Variants in RARB observed in about 807,000 individuals in gnomAD.
RARB encodes retinoic acid receptor beta.
In RARB, 17 loss-of-function variants were observed where a neutral mutation model predicts 51.9. The observed-to-expected ratio is 0.33, with a 90% CI of 0.22 to 0.49. RARB has a LOEUF of 0.49. RARB is among the 20% of genes least tolerant of loss of function. RARB has a pLI of 0.99. For missense variants in RARB, 369 were observed against 550.8 expected (o/e 0.67, Z 3.30); for synonymous variants, 215 against 195.4 (o/e 1.10, Z -0.84).
chr3:25,365,333 A>G (rs893482975), intron 5 of RARB, among the ~76,000 whole-genome samples: 3 of 149,826 alleles, frequency 2.0e-5, no homozygotes, highest in African/African-American at 4.9e-5. Context: ...ATTGGACTCA[A>G]ATTCCTGGGC....
At chr3:25,531,906 AATAAT>A (rs1698942249) in intron 3 of RARB, among the ~76,000 whole-genome samples, 1 of 151,820 alleles carries the variant, frequency 6.6e-6, no homozygotes, top group Non-Finnish European at 1.5e-5. Context: ...TGTTAGTAAA[AATAAT>A]CTTTCCACCA....
chr3:25,388,228 T>G (rs115768802), intron 5 of RARB, among the ~76,000 whole-genome samples: 1 of 152,202 alleles, frequency 6.6e-6, no homozygotes, highest in Non-Finnish European at 1.5e-5. Flanking sequence ...AAATTTCTTC[T>G]TAATTAAAAA....
chr3:25,210,989 C>T (rs781758054), intron 5 of RARB, among the ~76,000 whole-genome samples: 1 of 152,088 alleles, frequency 6.6e-6, no homozygotes, highest in Non-Finnish European at 1.5e-5. Context: ...CCTTCTGTGC[C>T]TCAGTTTCCT....
At chr3:25,587,316 G>A (rs372493322) in intron 5 of RARB, among the ~76,000 whole-genome samples, 5 of 152,306 alleles carry the variant, frequency 3.3e-5, no homozygotes, top group East Asian at 1.9e-4. Context: ...CAGCAGCTGC[G>A]AGGCAGCTGT....
intron 5 of RARB, among the ~76,000 whole-genome samples, chr3:25,233,550 A>G (rs1575240644): frequency 6.6e-6 from 1 of 152,070 alleles, no homozygotes; most frequent in East Asian, 1.9e-4. Context: ...TAATTACTTT[A>G]TTGCATGGCT....
chr3:24,870,504 T>G lies in RARB; in HGVS notation c.-380+11752T>G, dbSNP rs561148688. Among the ~76,000 whole-genome samples, 8 of 152,266 alleles carry G rather than the reference T, an allele frequency of 5.3e-5. No individual in the cohort carries two copies. In the East Asian group the frequency reaches 1.5e-3, roughly 29 times the overall value. On this transcript the variant is annotated intron_variant, in intron 2 of 11. Transcript: ENST00000383772. ...TTATAAATTTATATCAACACTGCTT[T>G]GTTTAATATTTCTTTATACTAAGTC...
At chr3:25,334,637 C>T (rs778695404) in intron 5 of RARB, among the ~76,000 whole-genome samples, 8 of 151,932 alleles carry the variant, frequency 5.3e-5, no homozygotes, top group Non-Finnish European at 1.2e-4. Context: ...ATGTAACAAA[C>T]CTGCAGGTTG....
chr3:24,884,296 G>T (rs1703230245), intron 2 of RARB, among the ~76,000 whole-genome samples: 1 of 152,126 alleles, frequency 6.6e-6, no homozygotes, highest in Non-Finnish European at 1.5e-5. Context: ...GGTTGGAAGG[G>T]CAATGTCATA....
At chr3:25,246,892 A>G (rs1250579408) in intron 5 of RARB, among the ~76,000 whole-genome samples, 2 of 152,146 alleles carry the variant, frequency 1.3e-5, no homozygotes, top group East Asian at 3.9e-4. Context: ...GCAAGCAGAA[A>G]CGTTTAAGTC....
intron 2 of RARB, among the ~76,000 whole-genome samples, chr3:25,034,647 A>G (rs1697946205): frequency 1.3e-5 from 2 of 152,238 alleles, no homozygotes; most frequent in Admixed American, 6.5e-5. Context: ...TCTATGCCAG[A>G]TACAAAAAGC....
chr3:25,308,671 C>T (rs1704211354), intron 5 of RARB, among the ~76,000 whole-genome samples: 1 of 152,202 alleles, frequency 6.6e-6, no homozygotes, highest in South Asian at 2.1e-4. Context: ...TGGTCTCAAA[C>T]TCCTGACCTC....
rs1252942939 is a variant in RARB at position 25,345,855 on chromosome 3, C to A, written c.179-115338C>A. 5 of 902,158 alleles carry A rather than the reference C, an allele frequency of 5.5e-6. No homozygotes were observed. The East Asian group carries it at 4.7e-4, about 85-fold the overall frequency. 55.9% of individuals were successfully genotyped at this position (902,158 alleles called of 1,614,324 possible). ...CTACCTAAGAGACACCTCCAAAATTCATTTCTTAAAACAACCACCACTAAA... is the reference window on the plus strand; with the variant it reads ...CTACCTAAGAGACACCTCCAAAATTAATTTCTTAAAACAACCACCACTAAA... On this transcript the variant is annotated intron_variant, in intron 5 of 11. Coordinates refer to the RARB transcript ENST00000383772.
chr3:25,173,841 C>A (rs1700691130), intron 4 of RARB, among the ~76,000 whole-genome samples: 2 of 152,014 alleles, frequency 1.3e-5, no homozygotes, highest in African/African-American at 4.8e-5. Context: ...CGTTTAACTG[C>A]CATGGAGAAA....
At chr3:25,139,875 G>A (rs1700082880) in intron 4 of RARB, among the ~76,000 whole-genome samples, 6 of 152,104 alleles carry the variant, frequency 3.9e-5, no homozygotes, top group Non-Finnish European at 8.8e-5. Context: ...AAGTCTTAGG[G>A]CCCTTAATAA....
chr3:25,127,232 A>G (rs748635802), intron 3 of RARB, among the ~76,000 whole-genome samples: 4 of 152,138 alleles, frequency 2.6e-5, no homozygotes, highest in Non-Finnish European at 4.4e-5. Context: ...ACTGTGGCAT[A>G]CAAGAGATAC....
Position 25,530,786 on chromosome 3 carries a change from T to A in RARB, c.448+29463T>A, listed in dbSNP as rs1208852164. 2.6e-5 allele frequency among the ~76,000 whole-genome samples: 4 copies of A among 152,220 alleles called. No individual in the cohort carries two copies. The South Asian group carries it at 8.3e-4, about 32-fold the overall frequency. Reference sequence around the variant, plus strand: ...ACATATTCACAGCTTCTGGAGATTATGATGTGGACATCTTTGAGTGGGATG... The same window carrying A: ...ACATATTCACAGCTTCTGGAGATTAAGATGTGGACATCTTTGAGTGGGATG... On this transcript the variant is annotated intron_variant, in intron 3 of 7. Transcript: ENST00000330688.
intron 3 of RARB, among the ~76,000 whole-genome samples, chr3:25,112,049 T>C (rs1699611158): frequency 6.6e-6 from 1 of 152,192 alleles, no homozygotes; most frequent in Non-Finnish European, 1.5e-5. Flanking sequence ...CAGTCTAACT[T>C]GCCACCCCAC....
intron 4 of RARB, among the ~76,000 whole-genome samples, chr3:25,170,792 G>C (rs1490448115): frequency 6.6e-6 from 1 of 152,028 alleles, no homozygotes; most frequent in Non-Finnish European, 1.5e-5. Context: ...ATATACATAT[G>C]TGTGGAGAAA....
At chr3:24,941,377 T>C (rs1052016352) in intron 2 of RARB, among the ~76,000 whole-genome samples, 2 of 151,742 alleles carry the variant, frequency 1.3e-5, no homozygotes, top group East Asian at 1.9e-4. Context: ...AGGCAGTCTT[T>C]TTTTTTTTTT....
Sources: gnomAD v4.1 joint callset for allele counts (sites outside exome capture counted in the v4.1 genomes callset) on GRCh38, gnomAD v4.1.1 for gene constraint, MANE v1.5 for transcripts, NCBI Gene and HGNC (gene_info 2026-07-23, HGNC 2026-07-21) for gene names.